The following DRD3 variants were observed in gnomAD, a reference collection of about 807,000 sequenced individuals.
The protein encoded by DRD3 is D(3) dopamine receptor.
In DRD3, 19 loss-of-function variants were observed where a neutral mutation model predicts 36.3. That is an observed-to-expected ratio of 0.52 (90% CI 0.36 to 0.77). The LOEUF is 0.77. Among genes scored for constraint, DRD3 ranks in the 30% least tolerant of loss-of-function variants. The pLI, the probability that DRD3 is intolerant of heterozygous loss-of-function variation, is 0.00. For missense variants in DRD3, 465 were observed against 505.3 expected, an observed-to-expected ratio of 0.92 and a Z score of 0.77; for synonymous variants, 195 against 203.7, an observed-to-expected ratio of 0.96 and a Z score of 0.36.
rs769889675 is a variant in DRD3, at chr3:114,171,946, C to T, written c.47G>A (p.Gly16Glu). Reference sequence around the variant, plus strand: ...GCTGGCACCTGTGGAGTTCTCTGCCCCACAGGTGTAGTTCAGGTGGCCACT... The same window carrying T: ...GCTGGCACCTGTGGAGTTCTCTGCCTCACAGGTGTAGTTCAGGTGGCCACT... Reference protein sequence around the residue: ...QLSGHLNYTCGAENSTGASQA... With the variant: ...QLSGHLNYTCEAENSTGASQA... Residue 16 changes from glycine to glutamate, a missense_variant, in exon 2 of 7, where the codon GGG becomes GAG. By Grantham distance (98) the Gly-to-Glu change is moderately conservative (BLOSUM62 -2). Transcript: ENST00000383673. 2.0e-5 allele frequency: 31 copies of T among 1,568,930 alleles called. No individual in the cohort carries two copies. The highest frequency in any genetic ancestry group is 2.6e-5 in the Non-Finnish European group (30 of 1,156,706).
chr3:114,160,216 G>T (rs2077719770), intron 2 of DRD3, among the ~76,000 whole-genome samples: 1 of 151,876 alleles, frequency 6.6e-6, no homozygotes, highest in Non-Finnish European at 1.5e-5. Context: ...TTGGCTCTTT[G>T]GTCTGTAAAT....
chr3:114,186,414 A>G (rs1049045562), intron 1 of DRD3, among the ~76,000 whole-genome samples: 4 of 152,182 alleles, frequency 2.6e-5, no homozygotes, highest in African/African-American at 9.7e-5. Context: ...GGCATGAGCC[A>G]CTGCACCTGG....
chr3:114,197,657 A>G (rs1024562307), intron 1 of DRD3, among the ~76,000 whole-genome samples: 2 of 152,160 alleles, frequency 1.3e-5, no homozygotes, highest in South Asian at 2.1e-4. Flanking sequence ...CATATTTTGC[A>G]TAATAATTTT....
At chr3:114,193,233 C>T (rs748787003) in intron 1 of DRD3, among the ~76,000 whole-genome samples, 25 of 152,146 alleles carry the variant, frequency 1.6e-4, no homozygotes, top group Non-Finnish European at 3.4e-4. Flanking sequence ...GAGCCAAGAT[C>T]GCGCCACTGC....
At chr3:114,197,118 CTT>C (rs1055135684) in intron 1 of DRD3, among the ~76,000 whole-genome samples, 5 of 140,854 alleles carry the variant, frequency 3.5e-5, no homozygotes, top group Admixed American at 7.2e-5. Context: ...TTACTTTTTC[CTT>C]TTTTTTTTTT....
intron 1 of DRD3, among the ~76,000 whole-genome samples, chr3:114,176,418 T>A (rs1394671719): frequency 6.6e-6 from 1 of 152,028 alleles, no homozygotes; most frequent in Non-Finnish European, 1.5e-5. Context: ...GGCAACATAG[T>A]GAGACTCCAT....
intron 4 of DRD3, among the ~76,000 whole-genome samples, chr3:114,145,822 G>A (rs1227808975): frequency 6.6e-6 from 1 of 152,090 alleles, no homozygotes; most frequent in Non-Finnish European, 1.5e-5. Flanking sequence ...AGTTCCTATG[G>A]AACATATAAT....
intron 2 of DRD3, among the ~76,000 whole-genome samples, chr3:114,163,060 A>G (rs115195253): frequency 0.032 from 4,821 of 152,250 alleles, 140 homozygotes; most frequent in African/African-American, 0.068. Flanking sequence ...CAGGCCCCCA[A>G]TGGCCTGTCA....
At position 114,184,721 on chromosome 3, in the gene DRD3, T is replaced by C. The variant is rs112976968; in HGVS notation, c.-155-5945A>G. ...GGGACTACAGGTGCATGTCACCATATCTGGCTAATTTTTTGCATTTTTAGT... is the reference window on the plus strand; with the variant it reads ...GGGACTACAGGTGCATGTCACCATACCTGGCTAATTTTTTGCATTTTTAGT... On this transcript the variant is annotated intron_variant, in intron 1 of 7. Transcript: ENST00000460779. 2.6e-5 allele frequency among the ~76,000 whole-genome samples: 4 copies of C among 151,862 alleles called. No homozygotes were observed. The South Asian group carries it at 8.3e-4, about 32-fold the overall frequency.
At chr3:114,165,356 G>A (rs140787703) in intron 2 of DRD3, among the ~76,000 whole-genome samples, 8,756 of 151,972 alleles carry the variant, frequency 0.058, 865 homozygotes, top group African/African-American at 0.2. Context: ...GCTTGAACCC[G>A]GAAGGTGGAG....
At chr3:114,192,665 A>T (rs1385119465) in intron 1 of DRD3, among the ~76,000 whole-genome samples, 1 of 152,182 alleles carries the variant, frequency 6.6e-6, no homozygotes, top group Non-Finnish European at 1.5e-5. Context: ...ACAGATGTTC[A>T]TCGAGCTTCC....
intron 6 of DRD3, among the ~76,000 whole-genome samples, chr3:114,130,912 G>A (rs2077423690): frequency 6.6e-6 from 1 of 152,156 alleles, no homozygotes; most frequent in South Asian, 2.1e-4. Flanking sequence ...GCGCAGTTAA[G>A]TGGCTTGTTC....
intron 1 of DRD3, among the ~76,000 whole-genome samples, chr3:114,187,591 C>G (rs1447710198): frequency 6.6e-6 from 1 of 152,102 alleles, no homozygotes; most frequent in Non-Finnish European, 1.5e-5. Flanking sequence ...TGGTCATTCC[C>G]AGAGTAAAGC....
rs777727950 is a variant in DRD3 at position 114,145,299 on chromosome 3, C to T, written c.526+2116G>A. The stretch of plus-strand genomic sequence containing the variant: ...ACTCATAAAGCACATTTAGCATTCA[C>T]GAAAAATGATATTTTAGTGCCACAG... On this transcript the variant is annotated intron_variant, in intron 4 of 6. Coordinates refer to ENST00000383673, the MANE Select transcript of DRD3 (RefSeq NM_000796.6). Among the ~76,000 whole-genome samples, 11 of 152,268 alleles carry T rather than the reference C, an allele frequency of 7.2e-5. No homozygotes were observed. The South Asian group carries it at 1.7e-3, about 23-fold the overall frequency.
intron 1 of DRD3, among the ~76,000 whole-genome samples, chr3:114,191,474 C>A (rs181641074): frequency 8.9e-4 from 135 of 152,236 alleles, no homozygotes; most frequent in African/African-American, 2.6e-3. Flanking sequence ...AGAGGTGGAA[C>A]AAGGTGAGGC....
chr3:114,131,481 T>C (rs1577577817), intron 5 of DRD3, 81 bp from the exon 6 acceptor site: 1 of 1,512,786 alleles, frequency 6.6e-7, no homozygotes, highest in Non-Finnish European at 8.8e-7. Context: ...GGCCAGAGAA[T>C]TCAAAGAAGG....
At chr3:114,179,451 C>G (rs1358540741), upstream of DRD3, among the ~76,000 whole-genome samples, 1 of 152,138 alleles carries the variant, frequency 6.6e-6, no homozygotes, top group Non-Finnish European at 1.5e-5. Flanking sequence ...CTTAGCAGCA[C>G]TTCTTGTTTT....
chr3:114,150,786 G>T (rs1054180954), intron 3 of DRD3, among the ~76,000 whole-genome samples: 4 of 152,202 alleles, frequency 2.6e-5, no homozygotes, highest in Non-Finnish European at 4.4e-5. Flanking sequence ...ATCGGGCAAG[G>T]CTTCCTGAGG....
intron 2 of DRD3, among the ~76,000 whole-genome samples, chr3:114,169,044 G>T (rs543622072): frequency 6.6e-6 from 1 of 151,934 alleles, no homozygotes; most frequent in Middle Eastern, 3.4e-3. Flanking sequence ...CTTTTCCAAA[G>T]GGAGCTCTTA....
Sources: allele counts gnomAD v4.1 joint callset (sites outside exome capture counted in the v4.1 genomes callset), GRCh38; gene constraint gnomAD v4.1.1; transcripts MANE v1.5; gene names NCBI Gene and HGNC (gene_info 2026-07-23, HGNC 2026-07-21).